Variants in PPARGC1A observed in about 807,000 individuals in gnomAD.
PPARGC1A encodes peroxisome proliferator-activated receptor gamma coactivator 1-alpha.
In PPARGC1A, 25 loss-of-function variants were observed where a neutral mutation model predicts 88.7. The observed-to-expected ratio is 0.28, with a 90% CI of 0.21 to 0.39. The LOEUF (loss-of-function observed/expected upper bound fraction) is 0.39, where lower values mean the gene tolerates loss of function less well. Ranked by LOEUF, PPARGC1A falls within the 10% of genes least tolerant of loss-of-function variation. The pLI is 1.00. For synonymous variants in PPARGC1A, 363 were observed against 355.6 expected (o/e 1.02, Z -0.24); for missense variants, 880 against 968.7 (o/e 0.91, Z 1.22).
chr4:23,910,396 A>G, the PPARGC1A span, among the ~76,000 whole-genome samples: 1 of 111,248 alleles, frequency 9.0e-6, no homozygotes, highest in African/African-American at 3.5e-5. Context: ...TATATATATT[A>G]TATATATATT....
At chr4:24,187,695 C>A in the PPARGC1A span, among the ~76,000 whole-genome samples, 3 of 152,124 alleles carry the variant, frequency 2.0e-5, no homozygotes, top group African/African-American at 7.2e-5. Flanking sequence ...GAGGATTAGA[C>A]GTCTATTAAA....
chr4:24,071,256 A>G, the PPARGC1A span, among the ~76,000 whole-genome samples: 2 of 151,972 alleles, frequency 1.3e-5, no homozygotes, highest in Non-Finnish European at 2.9e-5. Flanking sequence ...CATTTCCCCA[A>G]TCTTTATACT....
the PPARGC1A span, among the ~76,000 whole-genome samples, chr4:24,269,761 C>T: frequency 6.6e-6 from 1 of 152,070 alleles, no homozygotes; most frequent in Non-Finnish European, 1.5e-5. Context: ...AAGCTGGTAA[C>T]AGTCTGTCCT....
At position 23,827,820 on chromosome 4, in the gene PPARGC1A, GGGAAGAAGGAGTGGAAGA is replaced by G. The variant is rs960789571; in HGVS notation, c.757+562_757+579del. 4.6e-3 allele frequency among the ~76,000 whole-genome samples: 695 copies of G among 152,012 alleles called. 3 individuals carry two copies. The highest frequency in any genetic ancestry group is 0.014 in the African/African-American group (598 of 41,432). ...TGTGGTTGTAGAAAAGGAGGAGAAG[GGGAAGAAGGAGTGGAAGA>G]GGAAGAAGAAGAGGAAGGGGAGAAA... On this transcript the variant is annotated intron_variant, in intron 5 of 12. Transcript: ENST00000264867.
At chr4:24,445,243 C>T in the PPARGC1A span, among the ~76,000 whole-genome samples, 1 of 152,220 alleles carries the variant, frequency 6.6e-6, no homozygotes, top group African/African-American at 2.4e-5. Context: ...CGTCTGTGGT[C>T]ACTGGCATTC....
chr4:24,219,117 G>C, the PPARGC1A span, among the ~76,000 whole-genome samples: 1 of 152,184 alleles, frequency 6.6e-6, no homozygotes, highest in East Asian at 1.9e-4. Flanking sequence ...CTGAAGTAGT[G>C]GTGGCAGAAA....
chr4:24,015,611 GC>G, the PPARGC1A span, among the ~76,000 whole-genome samples: 1 of 152,052 alleles, frequency 6.6e-6, no homozygotes, highest in Non-Finnish European at 1.5e-5. Flanking sequence ...AGCTGACAAT[GC>G]TATTCTCAGT....
chr4:24,022,590 G>A, the PPARGC1A span, among the ~76,000 whole-genome samples: 5 of 152,172 alleles, frequency 3.3e-5, no homozygotes, highest in Non-Finnish European at 7.3e-5. Context: ...GGTGAGCAAT[G>A]AGCCAGGGAG....
chr4:24,387,524 G>C, the PPARGC1A span, among the ~76,000 whole-genome samples: 1 of 151,982 alleles, frequency 6.6e-6, no homozygotes, highest in Admixed American at 6.6e-5. Flanking sequence ...AAGTGATCGA[G>C]ACCATCCTGG....
chr4:23,870,961 A>G (rs1482940942), intron 2 of PPARGC1A, among the ~76,000 whole-genome samples: 1 of 147,018 alleles, frequency 6.8e-6, no homozygotes, highest in African/African-American at 2.5e-5. Flanking sequence ...TTTCTTTTCT[A>G]TACCACAAAA....
At chr4:24,321,818 G>C in the PPARGC1A span, among the ~76,000 whole-genome samples, 8 of 152,228 alleles carry the variant, frequency 5.3e-5, no homozygotes, top group African/African-American at 1.9e-4. Context: ...CAAATGAAAA[G>C]AGACTTAAGA....
At chr4:24,217,672 G>A in the PPARGC1A span, among the ~76,000 whole-genome samples, 2 of 152,256 alleles carry the variant, frequency 1.3e-5, no homozygotes, top group Admixed American at 6.5e-5. Flanking sequence ...GTGTGGTGGT[G>A]CACACCTGTA....
the PPARGC1A span, among the ~76,000 whole-genome samples, chr4:24,403,121 T>A: frequency 6.6e-6 from 1 of 152,190 alleles, no homozygotes; most frequent in Non-Finnish European, 1.5e-5. Context: ...ACAGCGGGAT[T>A]CAAACCTAGC....
At chr4:24,199,009 CT>C in the PPARGC1A span, among the ~76,000 whole-genome samples, 79 of 152,326 alleles carry the variant, frequency 5.2e-4, 1 homozygote, top group African/African-American at 1.8e-3. Context: ...AGATCAGCAT[CT>C]GTTGCCCTCT....
At chr4:24,015,937 A>T in the PPARGC1A span, among the ~76,000 whole-genome samples, 1 of 152,210 alleles carries the variant, frequency 6.6e-6, no homozygotes, top group Non-Finnish European at 1.5e-5. Context: ...ATTGAAGTCC[A>T]TGGAGAATCC....
the PPARGC1A span, among the ~76,000 whole-genome samples, chr4:24,047,259 T>C: frequency 2.6e-5 from 4 of 152,228 alleles, no homozygotes; most frequent in Non-Finnish European, 4.4e-5. Flanking sequence ...ATCAGACTTA[T>C]CACTGCTTGA....
the PPARGC1A span, among the ~76,000 whole-genome samples, chr4:24,310,331 C>T: frequency 6.6e-6 from 1 of 152,166 alleles, no homozygotes; most frequent in African/African-American, 2.4e-5. Flanking sequence ...TATCTTTCTC[C>T]ATGTATCAAT....
intron 5 of PPARGC1A, among the ~76,000 whole-genome samples, chr4:23,824,720 CAT>C (rs1377735478): frequency 2.0e-5 from 3 of 152,044 alleles, no homozygotes; most frequent in South Asian, 2.1e-4. Context: ...TTCGAAAACA[CAT>C]ATGAAAATAG....
the PPARGC1A span, among the ~76,000 whole-genome samples, chr4:24,278,167 C>CA: frequency 6.6e-6 from 1 of 150,570 alleles, no homozygotes; most frequent in Admixed American, 6.6e-5. Context: ...ATCCTGTCTC[C>CA]AAAAAAAAAT....
Sources: allele counts gnomAD v4.1 joint callset (sites outside exome capture counted in the v4.1 genomes callset), GRCh38; gene constraint gnomAD v4.1.1; transcripts MANE v1.5; gene names NCBI Gene and HGNC (gene_info 2026-07-23, HGNC 2026-07-21).